The following ADGRB3 variants were observed in gnomAD, a reference collection of about 807,000 sequenced individuals.
The protein encoded by ADGRB3 is brain-specific angiogenesis inhibitor 3.
Under a neutral mutation model 193.4 loss-of-function variants are expected in ADGRB3, and 37 were observed. The observed-to-expected ratio is 0.19, with a 90% CI of 0.15 to 0.25. ADGRB3 has a LOEUF of 0.25. Among genes scored for constraint, ADGRB3 ranks in the 10% least tolerant of loss-of-function variants. The probability of loss-of-function intolerance (pLI) is 1.00; values close to 1 mark genes in which losing one functional copy is unlikely to be tolerated. For missense variants in ADGRB3, 1,637 were observed against 1,852.9 expected (o/e 0.88, Z 2.14); for synonymous variants, 690 against 644.2 (o/e 1.07, Z -1.08).
intron 9 of ADGRB3, 60 bp downstream of exon 9, chr6:68,974,924 G>A (rs1201827703): frequency 7.1e-7 from 1 of 1,417,264 alleles, no homozygotes; most frequent in African/African-American, 1.4e-5. Context: ...ACAGCATGCA[G>A]TGTTGGTTTA....
chr6:69,114,866 A>G (rs1773483026), intron 17 of ADGRB3, among the ~76,000 whole-genome samples: 1 of 152,244 alleles, frequency 6.6e-6, no homozygotes, highest in Non-Finnish European at 1.5e-5. Flanking sequence ...ACTGGTCATT[A>G]GAGAAATGCA....
At chr6:69,312,392 G>A (rs1768213315) in intron 20 of ADGRB3, among the ~76,000 whole-genome samples, 1 of 151,734 alleles carries the variant, frequency 6.6e-6, no homozygotes, top group Non-Finnish European at 1.5e-5. Flanking sequence ...TGAAATATCT[G>A]AGGTTGGATA....
At chr6:69,086,008 G>T (rs1038709210) in intron 17 of ADGRB3, among the ~76,000 whole-genome samples, 4 of 151,780 alleles carry the variant, frequency 2.6e-5, no homozygotes, top group Non-Finnish European at 5.9e-5. Context: ...GAAACCTTCT[G>T]TTTAATGATT....
Position 68,956,020 on chromosome 6 carries a change from G to A in ADGRB3, c.1196-4G>A, listed in dbSNP as rs748110728. On this transcript the variant is annotated splice_region_variant and splice_polypyrimidine_tract_variant and intron_variant, in intron 6 of 31. Coordinates refer to ENST00000370598, the MANE Select transcript of ADGRB3 (RefSeq NM_001704.3). ...TCATGCTGTCTCTTTTTCTGCTTTG[G>A]TAGTTGATGGACAGTGGCAAGAGTG... The A allele has an allele frequency of 3.1e-6, 5 of 1,611,036 alleles. No individual in the cohort carries two copies. The South Asian group carries it at 5.5e-5, about 18-fold the overall frequency.
At chr6:69,164,307 C>T (rs1046800489) in intron 17 of ADGRB3, among the ~76,000 whole-genome samples, 1 of 151,362 alleles carries the variant, frequency 6.6e-6, no homozygotes, top group Non-Finnish European at 1.5e-5. Flanking sequence ...TGAAGGGAGA[C>T]AGGAAACCCA....
chr6:69,299,205 C>CT (rs1013855953), intron 20 of ADGRB3, among the ~76,000 whole-genome samples: 12 of 151,486 alleles, frequency 7.9e-5, no homozygotes, highest in South Asian at 2.1e-4. Context: ...CTATTCACAT[C>CT]TTTTTTTTCA....
intron 13 of ADGRB3, among the ~76,000 whole-genome samples, chr6:69,033,424 A>G (rs919555426): frequency 2.0e-5 from 3 of 152,200 alleles, no homozygotes; most frequent in Non-Finnish European, 4.4e-5. Context: ...AATGCATCAA[A>G]TAATTATGTA....
At chr6:68,986,162 A>G (rs1436819720) in intron 10 of ADGRB3, among the ~76,000 whole-genome samples, 1 of 152,188 alleles carries the variant, frequency 6.6e-6, no homozygotes, top group Non-Finnish European at 1.5e-5. Context: ...CAGGTTTTAC[A>G]GCAAAATATG....
At chr6:69,174,376 A>G (rs1274089052) in intron 17 of ADGRB3, among the ~76,000 whole-genome samples, 1 of 152,140 alleles carries the variant, frequency 6.6e-6, no homozygotes, top group African/African-American at 2.4e-5. Flanking sequence ...TCCTGCATGA[A>G]TTTGATTGGG....
At chr6:69,096,931 A>C (rs1772897862) in intron 17 of ADGRB3, among the ~76,000 whole-genome samples, 2 of 152,228 alleles carry the variant, frequency 1.3e-5, no homozygotes, top group African/African-American at 4.8e-5. Context: ...TGGAATTTGC[A>C]TTGAGTCTTT....
chr6:69,317,305 A>T (rs11964197), intron 20 of ADGRB3, among the ~76,000 whole-genome samples: 25,740 of 151,308 alleles, frequency 0.17, 2,619 homozygotes, highest in African/African-American at 0.28. Flanking sequence ...TTCTGAAAGT[A>T]GAGGTGAAGG....
chr6:68,981,934 A>G (rs1476983480), intron 10 of ADGRB3, among the ~76,000 whole-genome samples: 1 of 143,286 alleles, frequency 7.0e-6, no homozygotes, highest in East Asian at 2.0e-4. Flanking sequence ...CTAGAGTGCA[A>G]TGGTGCGATC....
intron 11 of ADGRB3, among the ~76,000 whole-genome samples, chr6:69,000,027 T>C (rs1169660183): frequency 6.6e-6 from 1 of 152,316 alleles, no homozygotes; most frequent in East Asian, 1.9e-4. Flanking sequence ...CTGAATCTTA[T>C]TCTATCAGTA....
intron 15 of ADGRB3, among the ~76,000 whole-genome samples, chr6:69,057,767 T>C (rs188263763): frequency 2.0e-5 from 3 of 152,194 alleles, no homozygotes; most frequent in Admixed American, 6.5e-5. Flanking sequence ...CATCTTTGCA[T>C]TTCAGAAATA....
At chr6:68,661,363 GTATATATATGTGTATA>G (rs1561986288) in intron 3 of ADGRB3, among the ~76,000 whole-genome samples, 1 of 97,100 alleles carries the variant, frequency 1.0e-5, no homozygotes, top group Non-Finnish European at 1.9e-5. Context: ...GTGTGTGTGT[GTATATATATGTGTATA>G]CATATATATA....
At chr6:69,037,638 G>C (rs1489194271) in intron 13 of ADGRB3, among the ~76,000 whole-genome samples, 1 of 151,806 alleles carries the variant, frequency 6.6e-6, no homozygotes, top group Non-Finnish European at 1.5e-5. Flanking sequence ...TTAATGTGGT[G>C]TTGTTGTTCT....
intron 20 of ADGRB3, among the ~76,000 whole-genome samples, chr6:69,311,569 T>A (rs1375821959): frequency 6.6e-6 from 1 of 151,718 alleles, no homozygotes; most frequent in African/African-American, 2.4e-5. Flanking sequence ...AGGACATCTT[T>A]AACTTTTGCA....
chr6:69,192,868 T>G (rs927903975), intron 17 of ADGRB3, among the ~76,000 whole-genome samples: 1 of 152,176 alleles, frequency 6.6e-6, no homozygotes, highest in Non-Finnish European at 1.5e-5. Flanking sequence ...AGCTTTTATC[T>G]ACATATATTT....
At chr6:68,797,465 A>T (rs1767233057) in intron 3 of ADGRB3, among the ~76,000 whole-genome samples, 1 of 152,070 alleles carries the variant, frequency 6.6e-6, no homozygotes, top group Admixed American at 6.6e-5. Context: ...GCACACCTTG[A>T]AACCTGTCCG....
Sources: gnomAD v4.1 joint callset for allele counts (sites outside exome capture counted in the v4.1 genomes callset) on GRCh38, gnomAD v4.1.1 for gene constraint, MANE v1.5 for transcripts, NCBI Gene and HGNC (gene_info 2026-07-23, HGNC 2026-07-21) for gene names.